The following TMPRSS9 variants were observed in gnomAD, a reference collection of about 807,000 sequenced individuals.
The protein encoded by TMPRSS9 is transmembrane serine protease 9.
Under a neutral mutation model 111.4 loss-of-function variants are expected in TMPRSS9, and 113 were observed. That is an observed-to-expected ratio of 1.01 (90% CI 0.87 to 1.19). The LOEUF is 1.19. Ranked by LOEUF, TMPRSS9 falls within the 50% of genes most tolerant of loss-of-function variation. TMPRSS9 has a pLI of 0.00. For synonymous variants in TMPRSS9, 805 were observed against 659.1 expected (o/e 1.22, Z -3.39); for missense variants, 1,803 against 1,513.1 (o/e 1.19, Z -3.18).
chr19:2,407,608 C>CTTTTCTT (rs1599301337), intron 7 of TMPRSS9, among the ~76,000 whole-genome samples: 1 of 98,404 alleles, frequency 1.0e-5, no homozygotes, highest in Admixed American at 1.1e-4. Flanking sequence ...CTTTTCTTTT[C>CTTTTCTT]TTTTTTTTTT....
At chr19:2,365,019 T>A (rs1356790997) in intron 1 of TMPRSS9, among the ~76,000 whole-genome samples, 1 of 151,044 alleles carries the variant, frequency 6.6e-6, no homozygotes, top group Non-Finnish European at 1.5e-5. Flanking sequence ...CGACTGTGGG[T>A]GCCACACTCT....
rs926099448 is a variant in TMPRSS9, at chr19:2,400,830, C to T, written c.515-1145C>T. On this transcript the variant is annotated intron_variant, in intron 4 of 17. Coordinates refer to ENST00000648592, the Ensembl canonical transcript of TMPRSS9. ...CTCTACTAAAAATAAAAAAATTAGC[C>T]GGGCATGGTGGCGGGCGCCTATAAT... Among the ~76,000 whole-genome samples the T allele has an allele frequency of 4.6e-5, 7 of 150,908 alleles. No homozygotes were observed. The South Asian group carries it at 6.3e-4, about 14-fold the overall frequency.
In TMPRSS9 at chr19:2,416,824, A is replaced by G. The variant is rs549307575; in HGVS notation, c.2017+15A>G. Reference sequence around the variant, plus strand: ...GGAAGGAAATGGTGAGCGCTGCCCCATCGAGGGGAACGGTGGATTTATTCT... The same window carrying G: ...GGAAGGAAATGGTGAGCGCTGCCCCGTCGAGGGGAACGGTGGATTTATTCT... On this transcript the variant is annotated intron_variant, in intron 12 of 17. Transcript: ENST00000648592. 1.9e-5 allele frequency: 30 copies of G among 1,592,572 alleles called. No individual in the cohort carries two copies. The highest frequency in any genetic ancestry group is 1.6e-4 in the African/African-American group (12 of 74,788).
chr19:2,379,615 C>CTTTCTT (rs1555676512), intron 1 of TMPRSS9, among the ~76,000 whole-genome samples: 4 of 118,510 alleles, frequency 3.4e-5, no homozygotes, highest in African/African-American at 6.4e-5. Context: ...AACTTTCTTT[C>CTTTCTT]TCTTTCTTTC....
intron 14 of TMPRSS9, 128 bp from the exon 16 acceptor site, chr19:2,423,961 G>C (rs963373209): frequency 2.9e-6 from 3 of 1,019,610 alleles, no homozygotes. Context: ...GTTTTCCTGG[G>C]ATAGGTCCCC....
chr19:2,396,624 C>T, exon 2 of TMPRSS9: 2 of 1,603,578 alleles, frequency 1.2e-6, no homozygotes, highest in Non-Finnish European at 1.7e-6. Flanking sequence ...GGCGGGAGAC[C>T]TCGGACTATC....
intron 13 of TMPRSS9, among the ~76,000 whole-genome samples, chr19:2,419,706 G>A (rs111581330): frequency 0.018 from 2,688 of 151,968 alleles, 55 homozygotes; most frequent in East Asian, 0.098. Flanking sequence ...TAGTAGAGAC[G>A]TGGTTTCACC....
intron 8 of TMPRSS9, 86 bp from the exon 10 acceptor site, chr19:2,410,172 G>C: frequency 6.4e-7 from 1 of 1,564,528 alleles, no homozygotes; most frequent in East Asian, 2.3e-5. Context: ...GAGGCTTGGA[G>C]AGGAGCTGTC....
At chr19:2,412,069 T>C (rs1298598650) in intron 9 of TMPRSS9, among the ~76,000 whole-genome samples, 1 of 152,120 alleles carries the variant, frequency 6.6e-6, no homozygotes, top group Non-Finnish European at 1.5e-5. Context: ...GTGTCTTTAT[T>C]TCATGGAGAT....
exon 12 of TMPRSS9, chr19:2,416,654 G>A (rs752923991): frequency 3.1e-6 from 5 of 1,613,054 alleles, no homozygotes; most frequent in East Asian, 4.5e-5. Flanking sequence ...TACAACCCTG[G>A]CATCCTGGAC....
At chr19:2,368,774 G>GTTTTTTGTTTTT (rs1970266065) in intron 1 of TMPRSS9, among the ~76,000 whole-genome samples, 1 of 70,386 alleles carries the variant, frequency 1.4e-5, no homozygotes, top group Non-Finnish European at 2.6e-5. Flanking sequence ...GATAAACCCA[G>GTTTTTTGTTTTT]TTTTTTTTTT....
intron 5 of TMPRSS9, 69 bp downstream of exon 6, chr19:2,402,085 A>T (rs1463840365): frequency 2.4e-5 from 35 of 1,488,430 alleles, no homozygotes; most frequent in African/African-American, 5.7e-5. Flanking sequence ...ACTCATTTCA[A>T]GGAAGTGAAG....
intron 6 of TMPRSS9, among the ~76,000 whole-genome samples, chr19:2,403,694 TAA>T (rs764503344): frequency 1.7e-5 from 2 of 119,308 alleles, no homozygotes; most frequent in Non-Finnish European, 1.8e-5. Flanking sequence ...CCATCTCTAC[TAA>T]AAAAAAAAAA....
chr19:2,415,639 C>T, intron 10 of TMPRSS9, 31 bp from the exon 12 acceptor site: 1 of 1,534,316 alleles, frequency 6.5e-7, no homozygotes, highest in Non-Finnish European at 8.8e-7. Flanking sequence ...AGGCCAAGAT[C>T]CCCAGACCTG....
intron 1 of TMPRSS9, among the ~76,000 whole-genome samples, chr19:2,379,571 C>T (rs961989177): frequency 6.6e-6 from 1 of 151,856 alleles, no homozygotes; most frequent in Non-Finnish European, 1.5e-5. Context: ...TTCTCCTACC[C>T]CACCCCACAC....
At chr19:2,374,551 A>T (rs1031270728) in intron 1 of TMPRSS9, among the ~76,000 whole-genome samples, 1 of 151,794 alleles carries the variant, frequency 6.6e-6, no homozygotes, top group African/African-American at 2.4e-5. Context: ...TCCAGCCTGG[A>T]GACAGAGCGA....
chr19:2,394,205 A>G (rs939495251), intron 1 of TMPRSS9, among the ~76,000 whole-genome samples: 2 of 128,052 alleles, frequency 1.6e-5, no homozygotes, highest in Admixed American at 7.1e-5. Flanking sequence ...CTGTGTCAAG[A>G]AAAGAGAAGG....
intron 5 of TMPRSS9, 48 bp downstream of exon 6, chr19:2,402,064 G>A: frequency 6.3e-7 from 1 of 1,580,556 alleles, no homozygotes; most frequent in Non-Finnish European, 8.6e-7. Flanking sequence ...TACTGACAGA[G>A]GTTTCCTAAG....
intron 1 of TMPRSS9, among the ~76,000 whole-genome samples, chr19:2,379,410 C>A (rs1251160533): frequency 2.6e-5 from 4 of 151,928 alleles, no homozygotes; most frequent in African/African-American, 9.7e-5. Context: ...TAGTCTCAAT[C>A]TCCTGACCTC....
Sources: allele counts gnomAD v4.1 joint callset (sites outside exome capture counted in the v4.1 genomes callset), GRCh38; gene constraint gnomAD v4.1.1; transcripts MANE v1.5; gene names NCBI Gene and HGNC (gene_info 2026-07-23, HGNC 2026-07-21).